NXPE3: variants seen among roughly 807,000 people sequenced by gnomAD.
NXPE3 encodes NXPE family member 3.
A neutral mutation model predicts 46.1 loss-of-function variants in NXPE3; 26 were observed. The ratio of observed to expected loss-of-function variants is 0.56; its 90% confidence interval spans 0.41 to 0.78. The LOEUF is 0.78. Ranked by LOEUF, NXPE3 falls within the 30% of genes least tolerant of loss-of-function variation. The pLI is 0.00. For synonymous variants in NXPE3, 272 were observed against 257.9 expected (o/e 1.05, Z -0.52); for missense variants, 620 against 686.0 (o/e 0.90, Z 1.07).
At chr3:101,813,161 TC>T (rs1484595900) in intron 6 of NXPE3, among the ~76,000 whole-genome samples, 1 of 152,146 alleles carries the variant, frequency 6.6e-6, no homozygotes, top group Admixed American at 6.5e-5. Flanking sequence ...ACTGACCTTA[TC>T]CCAAGCTTCC....
intron 4 of NXPE3, among the ~76,000 whole-genome samples, chr3:101,796,067 C>G (rs1940814440): frequency 6.6e-6 from 1 of 152,218 alleles, no homozygotes; most frequent in African/African-American, 2.4e-5. Flanking sequence ...TGCATGCAAG[C>G]ATAAGCCTCC....
chr3:101,816,888 G>A lies in NXPE3; in HGVS notation c.1016G>A (p.Arg339His), dbSNP rs760288885. Residue 339 changes from arginine (R) to histidine (H), a missense_variant, in exon 7 of 8, where the codon CGT becomes CAT. Physicochemically the swap from Arg to His is conservative, Grantham distance 29. This residue lies in a region of NXPE3 where 511 missense variants were observed against 528.6 expected (regional missense o/e 0.97). Transcript: ENST00000273347. ...DQWRPRKFKMRQFNDPDNITE... is the reference protein window; with the variant it reads ...DQWRPRKFKMHQFNDPDNITE... ...TGGAGGCCCAGAAAGTTTAAGATGC[G>A]TCAGTTTAATGACCCTGACAACATT... The A allele has an allele frequency of 1.1e-5, 17 of 1,613,952 alleles. No individual in the cohort carries two copies. The highest frequency in any genetic ancestry group is 6.7e-5 in the East Asian group (3 of 44,884).
chr3:101,822,174 CTCTTAA>C lies in NXPE3; in HGVS notation c.*221_*226del. On this transcript the variant is annotated 3_prime_UTR_variant, in exon 8 of 8. Coordinates refer to ENST00000273347, the MANE Select transcript of NXPE3 (RefSeq NM_145037.4). ...CAATGTTGACTTAGCCATGGTAGAA[CTCTTAA>C]CTGCATCTACACACTATATTGCTCT... is the stretch of plus-strand genomic sequence containing the variant. 1.8e-6 allele frequency: 1 copy of C among 541,340 alleles called. No homozygotes were observed. The highest frequency in any genetic ancestry group is 3.3e-6 in the Non-Finnish European group (1 of 303,614). The allele number at this position is 541,340 out of a possible 1,614,324, so 33.5% of individuals were successfully genotyped here.
intron 6 of NXPE3, among the ~76,000 whole-genome samples, chr3:101,810,403 G>A (rs1385117700): frequency 6.6e-6 from 1 of 152,182 alleles, no homozygotes; most frequent in African/African-American, 2.4e-5. Flanking sequence ...GCTATGGCAG[G>A]TTGAATACTA....
At chr3:101,791,837 C>T (rs1038817354) in intron 4 of NXPE3, among the ~76,000 whole-genome samples, 6 of 152,140 alleles carry the variant, frequency 3.9e-5, no homozygotes, top group African/African-American at 1.2e-4. Flanking sequence ...AATCGTAGTT[C>T]TGCTTTTAGG....
At chr3:101,788,735 C>A (rs1350505083) in intron 4 of NXPE3, among the ~76,000 whole-genome samples, 1 of 152,128 alleles carries the variant, frequency 6.6e-6, no homozygotes, top group Admixed American at 6.5e-5. Context: ...CTTGCTTCAG[C>A]CTCCCGAGTA....
At chr3:101,812,552 G>A (rs1452809580) in intron 6 of NXPE3, among the ~76,000 whole-genome samples, 1 of 151,986 alleles carries the variant, frequency 6.6e-6, no homozygotes, top group Non-Finnish European at 1.5e-5. Context: ...AGTGGCTCAT[G>A]CCTGTAATCC....
chr3:101,807,045 T>G lies in NXPE3; in HGVS notation c.849-8T>G. 1 of 1,604,582 alleles carries G rather than the reference T, an allele frequency of 6.2e-7. No individual in the cohort carries two copies. Among genetic ancestry groups the G allele is most frequent in the South Asian group, 1.1e-5 (1 of 90,842 alleles). ...ACCTGAGCTTGTGCTTTTTTATTCC[T>G]CTTAAAGTGGTGTCAATATCAAAAT... On this transcript the variant is annotated splice_region_variant and splice_polypyrimidine_tract_variant and intron_variant, in intron 5 of 7. Coordinates refer to ENST00000273347, the MANE Select transcript of NXPE3 (RefSeq NM_145037.4).
At chr3:101,792,370 GTCT>G (rs1354353478) in intron 4 of NXPE3, among the ~76,000 whole-genome samples, 1 of 152,064 alleles carries the variant, frequency 6.6e-6, no homozygotes, top group African/African-American at 2.4e-5. Context: ...TGCCTAGGTG[GTCT>G]TCTAGGGTTT....
At chr3:101,815,493 G>A (rs1941929569) in intron 6 of NXPE3, among the ~76,000 whole-genome samples, 1 of 152,188 alleles carries the variant, frequency 6.6e-6, no homozygotes, top group Admixed American at 6.5e-5. Flanking sequence ...TTCTCTTCTG[G>A]GAGAATGCTG....
chr3:101,826,135 A>G lies in NXPE3; in HGVS notation c.*4181A>G, dbSNP rs1942477566. 1 of 152,162 alleles carries G rather than the reference A, an allele frequency of 6.6e-6. No individual in the cohort carries two copies. The highest frequency in any genetic ancestry group is 1.5e-5 in the Non-Finnish European group (1 of 68,020). 9.4% of individuals were successfully genotyped at this position (152,162 alleles called of 1,614,324 possible). A position where few individuals can be genotyped will look rare whatever the true frequency, so the allele number is the denominator to read the frequency against. On this transcript the variant is annotated 3_prime_UTR_variant, in exon 8 of 8. Coordinates refer to ENST00000273347, the MANE Select transcript of NXPE3 (RefSeq NM_145037.4). Reference sequence around the variant, plus strand: ...ACTGAATCCAGTTTCACATTTATCAATCTGAAAACTTAGTTTGCAGATTGG... The same window carrying G: ...ACTGAATCCAGTTTCACATTTATCAGTCTGAAAACTTAGTTTGCAGATTGG...
At chr3:101,803,958 A>G (rs1478517453) in intron 5 of NXPE3, among the ~76,000 whole-genome samples, 1 of 152,170 alleles carries the variant, frequency 6.6e-6, no homozygotes, top group Non-Finnish European at 1.5e-5. Flanking sequence ...TTATGGATAC[A>G]TCCTAGTTGC....
At position 101,801,692 on chromosome 3, in the gene NXPE3, C is replaced by A. The variant is rs1227876252; in HGVS notation, c.551C>A (p.Ser184Tyr). 1 of 1,614,176 alleles carries A rather than the reference C, an allele frequency of 6.2e-7. No homozygotes were observed. The highest frequency in any genetic ancestry group is 2.2e-5 in the East Asian group (1 of 44,892). Residue 184 changes from serine to tyrosine, a missense_variant, in exon 5 of 8, where the codon TCC becomes TAC. By Grantham distance (144) the Ser-to-Tyr change is moderately radical. Transcript: ENST00000273347. ...TLLWPGKVKV[S>Y]VSLVHPSEGI... ...CTATGGCCAGGCAAAGTTAAAGTAT[C>A]CGTATCTCTGGTCCACCCCAGTGAA...
chr3:101,808,387 AG>A (rs1941525580), intron 6 of NXPE3, among the ~76,000 whole-genome samples: 1 of 152,080 alleles, frequency 6.6e-6, no homozygotes, highest in Non-Finnish European at 1.5e-5. Flanking sequence ...CTTTTGCTGC[AG>A]GGGCTTGATA....
intron 6 of NXPE3, among the ~76,000 whole-genome samples, chr3:101,816,326 G>A (rs1219186210): frequency 2.6e-5 from 4 of 151,818 alleles, no homozygotes; most frequent in Admixed American, 2.0e-4. Context: ...AGAATGTGCA[G>A]GTTTATTACA....
chr3:101,793,346 G>A (rs1394298063), intron 4 of NXPE3, among the ~76,000 whole-genome samples: 4 of 152,126 alleles, frequency 2.6e-5, no homozygotes, highest in South Asian at 2.1e-4. Context: ...TGGTTTTCAC[G>A]GGGAATGCTT....
At chr3:101,805,844 C>T (rs1022804530) in intron 5 of NXPE3, among the ~76,000 whole-genome samples, 7 of 151,784 alleles carry the variant, frequency 4.6e-5, no homozygotes, top group African/African-American at 2.4e-5. Flanking sequence ...AATATTTTTA[C>T]AGGAAATTAT....
chr3:101,801,099 T>C (rs374565086), intron 4 of NXPE3, 136 bp from the exon 5 acceptor site: 7 of 962,890 alleles, frequency 7.3e-6, no homozygotes, highest in Middle Eastern at 3.4e-4. Flanking sequence ...GGATTTTTCT[T>C]TGATATTCAC....
intron 5 of NXPE3, among the ~76,000 whole-genome samples, chr3:101,806,478 T>G (rs1240687545): frequency 6.6e-6 from 1 of 152,066 alleles, no homozygotes; most frequent in Admixed American, 6.6e-5. Context: ...TATCTTCGAG[T>G]AGTATATGTT....
Sources: gnomAD v4.1 joint callset for allele counts (sites outside exome capture counted in the v4.1 genomes callset) on GRCh38, gnomAD v4.1.1 for gene constraint, gnomAD v4.1.1 regional missense constraint, MANE v1.5 for transcripts, NCBI Gene and HGNC (gene_info 2026-07-23, HGNC 2026-07-21) for gene names.